Variants in MYBPC1 observed in about 807,000 individuals in gnomAD.
The protein encoded by MYBPC1 is myosin binding protein C1.
In MYBPC1, 52 loss-of-function variants were observed where a neutral mutation model predicts 147.1. The ratio of observed to expected loss-of-function variants is 0.35; its 90% confidence interval spans 0.28 to 0.45. MYBPC1 has a LOEUF of 0.45. Among genes scored for constraint, MYBPC1 ranks in the 20% least tolerant of loss-of-function variants. The pLI is 1.00. For synonymous variants in MYBPC1, 477 were observed against 475.9 expected (o/e 1.00, Z -0.03); for missense variants, 1,228 against 1,440.3 (o/e 0.85, Z 2.39).
intron 11 of MYBPC1, 96 bp from the exon 12 acceptor site, chr12:101,644,568 C>T: frequency 1.7e-6 from 2 of 1,165,986 alleles, no homozygotes; most frequent in Admixed American, 2.2e-5. Context: ...TTCATTTTTT[C>T]ATTTGCTTTT....
chr12:101,675,909 T>C (rs1899852121), intron 26 of MYBPC1, among the ~76,000 whole-genome samples: 1 of 152,186 alleles, frequency 6.6e-6, no homozygotes, highest in Admixed American at 6.5e-5. Context: ...CAGACACCAG[T>C]TAGAACAGAA....
Position 101,646,823 on chromosome 12 carries a change from A to G in MYBPC1, c.1026A>G (p.Thr342=). The change falls in exon 13 of 32, where the codon ACA becomes ACG. Residue 342 remains threonine, a synonymous_variant. Coordinates refer to ENST00000361466, the MANE Select transcript of MYBPC1 (RefSeq NM_002465.4). The part of the protein sequence containing the change: ...RILFINNCQM[T]DDSEYYVTAG... ...TGTTTATCAATAACTGTCAGATGAC[A>G]GATGATTCAGAGTATTATGTGACAG... The G allele has an allele frequency of 6.2e-7, 1 of 1,613,692 alleles. No homozygotes were observed. Among genetic ancestry groups the G allele is most frequent in the Non-Finnish European group, 8.5e-7 (1 of 1,179,532 alleles).
intron 22 of MYBPC1, among the ~76,000 whole-genome samples, chr12:101,664,902 GC>G (rs1323504033): frequency 6.6e-6 from 1 of 152,080 alleles, no homozygotes; most frequent in East Asian, 1.9e-4. Context: ...CCATCCTCCT[GC>G]CCCCATTTAA....
Position 101,614,565 on chromosome 12 carries a change from C to T in MYBPC1, c.61+34C>T, listed in dbSNP as rs747793888. The stretch of plus-strand genomic sequence containing the variant: ...AAACACTCACTCACACACGTTTGGG[C>T]TGCAAATACAGAGGGTCCATCCCAG... On this transcript the variant is annotated intron_variant, in intron 2 of 31. Coordinates refer to ENST00000361466, the MANE Select transcript of MYBPC1 (RefSeq NM_002465.4). 36 of 1,609,670 alleles carry T rather than the reference C, an allele frequency of 2.2e-5. No homozygotes were observed. In the Admixed American group the frequency reaches 5.7e-4, roughly 26 times the overall value.
At chr12:101,686,875 T>C (rs1951355289), downstream of MYBPC1, among the ~76,000 whole-genome samples, 1 of 152,168 alleles carries the variant, frequency 6.6e-6, no homozygotes, top group Non-Finnish European at 1.5e-5. Context: ...AAGTCTAGTT[T>C]ATGTCCAAAC....
intron 8 of MYBPC1, 51 bp downstream of exon 8, chr12:101,632,189 G>A: frequency 8.0e-7 from 1 of 1,244,844 alleles, no homozygotes; most frequent in South Asian, 1.2e-5. Context: ...TGGGGTGTGA[G>A]GGGATGGAGA....
chr12:101,630,689 A>C (rs1344818768), intron 6 of MYBPC1, among the ~76,000 whole-genome samples: 2 of 152,226 alleles, frequency 1.3e-5, no homozygotes, highest in African/African-American at 2.4e-5. Flanking sequence ...TTAGGCACTG[A>C]GTATAACATG....
intron 1 of MYBPC1, among the ~76,000 whole-genome samples, chr12:101,606,986 G>A (rs531865625): frequency 7.7e-4 from 117 of 152,090 alleles, no homozygotes; most frequent in African/African-American, 2.7e-3. Context: ...CACCATGCCC[G>A]ACTAATTTCT....
chr12:101,690,314 C>A (rs1480280480), downstream of MYBPC1, among the ~76,000 whole-genome samples: 2 of 152,212 alleles, frequency 1.3e-5, no homozygotes, highest in African/African-American at 2.4e-5. Context: ...TGTCTTGTTC[C>A]TTGCTTAGCT....
intron 1 of MYBPC1, among the ~76,000 whole-genome samples, chr12:101,611,958 T>A (rs1186023755): frequency 7.9e-5 from 12 of 152,034 alleles, no homozygotes; most frequent in Admixed American, 3.3e-4. Flanking sequence ...GCACCTATAG[T>A]CCCAGCTACT....
chr12:101,595,984 ATAT>A (rs1877098247), intron 1 of MYBPC1, among the ~76,000 whole-genome samples: 1 of 152,032 alleles, frequency 6.6e-6, no homozygotes, highest in South Asian at 2.1e-4. Context: ...TCTTTTAAAA[ATAT>A]TATTTCATTT....
chr12:101,651,100 T>C (rs750464993), intron 15 of MYBPC1, 131 bp from the exon 16 acceptor site: 11 of 958,938 alleles, frequency 1.1e-5, no homozygotes, highest in Non-Finnish European at 1.7e-5. Context: ...AATATATTAA[T>C]TGCATTGGTA....
At chr12:101,684,549 C>A in intron 31 of MYBPC1, 125 bp downstream of exon 31, 2 of 738,696 alleles carry the variant, frequency 2.7e-6, no homozygotes, top group Non-Finnish European at 4.5e-6. Flanking sequence ...AAATCCCTAA[C>A]TTTGTAGTTT....
At chr12:101,614,386 T>C in intron 1 of MYBPC1, 110 bp from the exon 2 acceptor site, 1 of 1,143,626 alleles carries the variant, frequency 8.7e-7, no homozygotes, top group Non-Finnish European at 1.3e-6. Flanking sequence ...CTCTTGTGAG[T>C]ACACACAGGT....
At chr12:101,603,787 A>G (rs1283106600) in intron 1 of MYBPC1, among the ~76,000 whole-genome samples, 1 of 152,076 alleles carries the variant, frequency 6.6e-6, no homozygotes. Context: ...AAATACAAAA[A>G]TTATCTGGAT....
intron 1 of MYBPC1, among the ~76,000 whole-genome samples, chr12:101,614,151 A>G (rs1885206763): frequency 6.6e-6 from 1 of 152,140 alleles, no homozygotes; most frequent in Non-Finnish European, 1.5e-5. Flanking sequence ...GCACAAGTAA[A>G]TGCCCGGCCT....
Position 101,631,700 on chromosome 12 carries a change from C to T in MYBPC1, c.419C>T (p.Thr140Ile), listed in dbSNP as rs148381426. 2.7e-5 allele frequency: 44 copies of T among 1,614,044 alleles called. No individual in the cohort carries two copies. The African/African-American group carries it at 4.9e-4, about 18-fold the overall frequency. The change falls in exon 7 of 32, where the codon ACC (threonine) becomes ATC (isoleucine). Residue 140 changes from threonine (T) to isoleucine (I), a missense_variant. By Grantham distance (89) the Thr-to-Ile change is moderately conservative (BLOSUM62 -1). Transcript: ENST00000361466. The part of the protein sequence containing the change: ...KAGKHLQLKE[T>I]FERHSRVYTF... ...GGGAAGCACCTTCAGCTGAAGGAAA[C>T]CTTTGAGAGGCACAGTCGGGTAAGG...
At chr12:101,666,894 T>TACACACACACACAC (rs1201276523) in intron 22 of MYBPC1, 35 of 313,528 alleles carry the variant, frequency 1.1e-4, no homozygotes, top group East Asian at 2.9e-4. Flanking sequence ...ATCACATACA[T>TACACACACACACAC]ACACACACAC....
intron 11 of MYBPC1, among the ~76,000 whole-genome samples, chr12:101,643,164 A>G (rs114658884): frequency 0.011 from 1,605 of 152,288 alleles, 25 homozygotes; most frequent in African/African-American, 0.036. Flanking sequence ...GTTTTATGAC[A>G]CATCAGGTTA....
Sources: allele counts gnomAD v4.1 joint callset (sites outside exome capture counted in the v4.1 genomes callset), GRCh38; gene constraint gnomAD v4.1.1; transcripts MANE v1.5; gene names NCBI Gene and HGNC (gene_info 2026-07-23, HGNC 2026-07-21).